Variants in GMDS observed in about 807,000 individuals in gnomAD.
GMDS encodes GDP-mannose 4,6-dehydratase, also known as GDP-mannose 4,6 dehydratase.
In GMDS, 20 loss-of-function variants were observed where a neutral mutation model predicts 49.9. The observed-to-expected ratio is 0.40, with a 90% confidence interval of 0.28 to 0.58. The LOEUF is 0.58. Ranked by LOEUF, GMDS falls within the 20% of genes least tolerant of loss-of-function variation. The pLI is 0.42. For synonymous variants in GMDS, 177 were observed against 178.6 expected (o/e 0.99, Z 0.07); for missense variants, 362 against 481.4 (o/e 0.75, Z 2.32).
chr6:2,040,012 A>G (rs1483351497), intron 4 of GMDS, among the ~76,000 whole-genome samples: 1 of 152,216 alleles, frequency 6.6e-6, no homozygotes, highest in African/African-American at 2.4e-5. Context: ...CAATATTACA[A>G]TGGCAACATC....
At chr6:1,849,347 C>A (rs143195522) in intron 7 of GMDS, among the ~76,000 whole-genome samples, 385 of 152,284 alleles carry the variant, frequency 2.5e-3, no homozygotes, top group African/African-American at 8.3e-3. Flanking sequence ...CCACCATACG[C>A]ATGCTGATCA....
intron 2 of GMDS, among the ~76,000 whole-genome samples, chr6:2,123,151 G>T (rs1775233426): frequency 6.6e-6 from 1 of 151,946 alleles, no homozygotes; most frequent in Non-Finnish European, 1.5e-5. Flanking sequence ...ACAGTACCAG[G>T]TGCTTGAGAA....
chr6:1,873,412 A>G (rs1011032716), intron 7 of GMDS, among the ~76,000 whole-genome samples: 5 of 152,168 alleles, frequency 3.3e-5, no homozygotes, highest in African/African-American at 1.2e-4. Flanking sequence ...CAATGCCACA[A>G]CTAAACTGTG....
intron 4 of GMDS, among the ~76,000 whole-genome samples, chr6:2,027,860 T>G (rs1005279878): frequency 6.6e-6 from 1 of 152,168 alleles, no homozygotes; most frequent in African/African-American, 2.4e-5. Flanking sequence ...GGAGGTTTTG[T>G]CATATTAATC....
intron 6 of GMDS, among the ~76,000 whole-genome samples, chr6:1,954,271 A>C (rs1229691725): frequency 1.3e-5 from 2 of 152,248 alleles, no homozygotes; most frequent in African/African-American, 4.8e-5. Flanking sequence ...ATCACTGAAA[A>C]CCGTTAATGA....
chr6:1,944,208 C>T (rs1194871776), intron 6 of GMDS, among the ~76,000 whole-genome samples: 1 of 152,166 alleles, frequency 6.6e-6, no homozygotes, highest in African/African-American at 2.4e-5. Context: ...AGAGCCACTT[C>T]CTAAAATTTC....
chr6:1,641,477 C>T (rs1156461445), intron 9 of GMDS, among the ~76,000 whole-genome samples: 4 of 152,232 alleles, frequency 2.6e-5, no homozygotes, highest in Non-Finnish European at 5.9e-5. Flanking sequence ...GGGTGCCGTG[C>T]ACCTGGCAAG....
chr6:1,998,727 G>A (rs917718689), intron 4 of GMDS, among the ~76,000 whole-genome samples: 2 of 152,060 alleles, frequency 1.3e-5, no homozygotes, highest in Non-Finnish European at 2.9e-5. Context: ...AATACAGCAG[G>A]ATGTATATAT....
At chr6:1,814,939 G>A (rs1457268520) in intron 7 of GMDS, among the ~76,000 whole-genome samples, 1 of 152,170 alleles carries the variant, frequency 6.6e-6, no homozygotes, top group Non-Finnish European at 1.5e-5. Flanking sequence ...GGAAAGAAAG[G>A]TGTCTATTTC....
At chr6:1,741,253 C>G (rs955483526) in intron 8 of GMDS, among the ~76,000 whole-genome samples, 6 of 152,140 alleles carry the variant, frequency 3.9e-5, no homozygotes, top group Admixed American at 2.6e-4. Context: ...CTTAGACACC[C>G]TATTGTACAA....
intron 6 of GMDS, chr6:1,959,646 C>T (rs1409918249): frequency 2.9e-6 from 1 of 349,522 alleles, no homozygotes; most frequent in Admixed American, 4.5e-5. Context: ...GGAACACTGT[C>T]CAGTTTTTAA....
chr6:1,792,445 T>A (rs1769582711), intron 7 of GMDS, among the ~76,000 whole-genome samples: 1 of 152,176 alleles, frequency 6.6e-6, no homozygotes, highest in East Asian at 1.9e-4. Flanking sequence ...TCGATACTGA[T>A]CGTTTCACCT....
intron 9 of GMDS, among the ~76,000 whole-genome samples, chr6:1,672,417 T>C (rs1159762378): frequency 2.0e-5 from 3 of 152,216 alleles, no homozygotes; most frequent in Non-Finnish European, 4.4e-5. Flanking sequence ...GATCAAGTGT[T>C]TTTTGCAGTT....
At chr6:2,184,167 G>C (rs1053748391) in intron 1 of GMDS, among the ~76,000 whole-genome samples, 1 of 151,962 alleles carries the variant, frequency 6.6e-6, no homozygotes, top group Non-Finnish European at 1.5e-5. Flanking sequence ...CATTTTCTCT[G>C]CCCACACTTT....
intron 7 of GMDS, among the ~76,000 whole-genome samples, chr6:1,765,714 C>T (rs536906693): frequency 1.2e-4 from 18 of 152,208 alleles, no homozygotes; most frequent in South Asian, 2.1e-4. Flanking sequence ...CTAAATGAAA[C>T]GGCAGAAGCT....
intron 4 of GMDS, among the ~76,000 whole-genome samples, chr6:2,099,914 T>G (rs1338432043): frequency 6.6e-6 from 1 of 152,102 alleles, no homozygotes; most frequent in South Asian, 2.1e-4. Flanking sequence ...AGACAGGACA[T>G]GTAATTTATA....
chr6:1,775,766 C>T (rs953085290), intron 7 of GMDS, among the ~76,000 whole-genome samples: 11 of 152,060 alleles, frequency 7.2e-5, no homozygotes, highest in East Asian at 3.8e-4. Context: ...GTTCAAAACA[C>T]GGTTCTTTGA....
chr6:2,120,623 T>C (rs765013697), intron 2 of GMDS, among the ~76,000 whole-genome samples: 1 of 152,186 alleles, frequency 6.6e-6, no homozygotes, highest in Non-Finnish European at 1.5e-5. Context: ...TTTTAAAGGG[T>C]TCAACATTGT....
chr6:1,685,019 T>C (rs368598700), intron 9 of GMDS, among the ~76,000 whole-genome samples: 29 of 35,796 alleles, frequency 8.1e-4, no homozygotes, highest in African/African-American at 3.7e-3. Flanking sequence ...CTCCCCCCCC[T>C]TTTTTTTTAA....
Sources: gnomAD v4.1 joint callset for allele counts (sites outside exome capture counted in the v4.1 genomes callset) on GRCh38, gnomAD v4.1.1 for gene constraint, MANE v1.5 for transcripts, NCBI Gene and HGNC (gene_info 2026-07-23, HGNC 2026-07-21) for gene names.